The following ABCC12 variants were observed in gnomAD, a reference collection of about 807,000 sequenced individuals.
ABCC12 encodes ATP binding cassette subfamily C member 12, also known as ATP-binding cassette sub-family C member 12.
A neutral mutation model predicts 151.1 loss-of-function variants in ABCC12; 142 were observed. That is an observed-to-expected ratio of 0.94 (90% CI 0.82 to 1.08). ABCC12 has a LOEUF of 1.08. Ranked by LOEUF, ABCC12 falls within the 50% of genes least tolerant of loss-of-function variation. The pLI, the probability that ABCC12 is intolerant of heterozygous loss-of-function variation, is 0.00. For synonymous variants in ABCC12, 645 were observed against 646.4 expected, an observed-to-expected ratio of 1.00 and a Z score of 0.03; for missense variants, 1,638 against 1,691.1, an observed-to-expected ratio of 0.97 and a Z score of 0.55.
chr16:48,139,444 CT>C, intron 6 of ABCC12, 108 bp from the exon 7 acceptor site: 1 of 1,258,740 alleles, frequency 7.9e-7, no homozygotes, highest in Non-Finnish European at 1.1e-6. Context: ...AGGAGAAAAA[CT>C]TCTCTAAAGC....
In ABCC12 at chr16:48,109,927, G is replaced by A. The variant is rs370600175; in HGVS notation, c.2282-1398C>T. ...GTCTTCCCTTCCTCCAGCTTTCACC[G>A]CCCTTGACAGCCCCGTTGTTTATCC... On this transcript the variant is annotated intron_variant, in intron 18 of 30. Transcript: ENST00000311303. Among the ~76,000 whole-genome samples, 1,441 of 152,274 alleles carry A rather than the reference G, an allele frequency of 9.5e-3. 182 individuals carry two copies. The South Asian group carries it at 0.26, about 28-fold the overall frequency.
rs1965146818 is a variant in ABCC12, at chr16:48,153,748, G to A, written c.-183C>T. 1 of 152,232 alleles carries A rather than the reference G, an allele frequency of 6.6e-6. No homozygotes were observed. Among genetic ancestry groups the A allele is most frequent in the East Asian group, 1.9e-4 (1 of 5,202 alleles). The allele number at this position is 152,232 out of a possible 1,614,324, so 9.4% of individuals were successfully genotyped here. ...AGGCCAGGCCTCCCTGGCCAGGTTT[G>A]AGTAATCAGCGCGCATAGGAAATTG... On this transcript the variant is annotated 5_prime_UTR_variant, in exon 2 of 31. Transcript: ENST00000311303.
At chr16:48,154,867 C>T (rs1037345917) in intron 1 of ABCC12, among the ~76,000 whole-genome samples, 5 of 152,254 alleles carry the variant, frequency 3.3e-5, no homozygotes, top group African/African-American at 1.2e-4. Context: ...GAGACTACAG[C>T]CCTACTTCTT....
At chr16:48,127,261 G>A (rs1453874843) in intron 11 of ABCC12, among the ~76,000 whole-genome samples, 1 of 151,982 alleles carries the variant, frequency 6.6e-6, no homozygotes, top group Non-Finnish European at 1.5e-5. Context: ...CAAGATTAAT[G>A]TTGAGCCCTC....
At chr16:48,102,670 C>T (rs1217871627) in intron 22 of ABCC12, among the ~76,000 whole-genome samples, 1 of 152,206 alleles carries the variant, frequency 6.6e-6, no homozygotes, top group Non-Finnish European at 1.5e-5. Flanking sequence ...CTCTCCTGCC[C>T]CAGTACATTC....
At chr16:48,126,072 G>A (rs1467745206) in intron 11 of ABCC12, among the ~76,000 whole-genome samples, 1 of 152,146 alleles carries the variant, frequency 6.6e-6, no homozygotes, top group Non-Finnish European at 1.5e-5. Context: ...TGTGTTCTAA[G>A]GACTTTCTGG....
chr16:48,131,905 G>C (rs1056993098), intron 9 of ABCC12, among the ~76,000 whole-genome samples: 1 of 152,164 alleles, frequency 6.6e-6, no homozygotes, highest in Admixed American at 6.5e-5. Flanking sequence ...GCACCACCTT[G>C]GCTCAGGAAG....
At position 48,083,559 on chromosome 16, in the gene ABCC12, T is replaced by C; in HGVS notation, c.*156A>G. Reference sequence around the variant, plus strand: ...ACCAAGTGGGGTGACATGGACTGAGTATGGCAGTGGGGACAACTTCAGCCC... The same window carrying C: ...ACCAAGTGGGGTGACATGGACTGAGCATGGCAGTGGGGACAACTTCAGCCC... On this transcript the variant is annotated 3_prime_UTR_variant, in exon 31 of 31. Coordinates refer to ENST00000311303, the MANE Select transcript of ABCC12 (RefSeq NM_001393797.1). 3.9e-6 allele frequency: 3 copies of C among 776,192 alleles called. No homozygotes were observed. In the East Asian group the frequency reaches 7.4e-5, roughly 19 times the overall value. The allele number at this position is 776,192 out of a possible 1,614,324, so 48.1% of individuals were successfully genotyped here.
intron 4 of ABCC12, 112 bp downstream of exon 4, chr16:48,143,798 G>A: frequency 7.4e-7 from 1 of 1,355,550 alleles, no homozygotes; most frequent in Non-Finnish European, 9.9e-7. Context: ...CCAGTCACAT[G>A]GAACTGTGAG....
chr16:48,116,327 C>T (rs1378075596), intron 14 of ABCC12, among the ~76,000 whole-genome samples: 1 of 152,196 alleles, frequency 6.6e-6, no homozygotes, highest in Non-Finnish European at 1.5e-5. Context: ...GGGAGCTCCA[C>T]GGTGGGCAGG....
At position 48,092,927 on chromosome 16, in the gene ABCC12, G is replaced by A. The variant is rs572501609; in HGVS notation, c.3196-1718C>T. ...AGAGGCAGGGGGTGCGAGCAGGCGCGTGACGTGGAGAACGCTATGGGTGCA... is the reference window on the plus strand; with the variant it reads ...AGAGGCAGGGGGTGCGAGCAGGCGCATGACGTGGAGAACGCTATGGGTGCA... On this transcript the variant is annotated intron_variant, in intron 24 of 30. Coordinates refer to ENST00000311303, the MANE Select transcript of ABCC12 (RefSeq NM_001393797.1). Among the ~76,000 whole-genome samples the A allele has an allele frequency of 1.1e-4, 17 of 152,294 alleles. No individual in the cohort carries two copies. The East Asian group carries it at 2.1e-3, about 19-fold the overall frequency.
intron 9 of ABCC12, 130 bp from the exon 10 acceptor site, chr16:48,131,025 T>C: frequency 3.1e-6 from 2 of 638,608 alleles, no homozygotes; most frequent in East Asian, 2.8e-5. Flanking sequence ...AGAGGAACAA[T>C]CTTTTCATTT....
intron 9 of ABCC12, among the ~76,000 whole-genome samples, chr16:48,133,005 C>A (rs759698136): frequency 4.6e-5 from 7 of 152,210 alleles, no homozygotes; most frequent in Admixed American, 2.6e-4. Context: ...ACCACTACTT[C>A]TCTTAATACC....
At chr16:48,148,673 T>C (rs886090378) in intron 2 of ABCC12, among the ~76,000 whole-genome samples, 13 of 152,012 alleles carry the variant, frequency 8.6e-5, no homozygotes, top group African/African-American at 3.1e-4. Context: ...CTTCTATTTG[T>C]ACCATTGAAT....
At chr16:48,115,709 G>C in intron 14 of ABCC12, 91 bp from the exon 15 acceptor site, 1 of 1,328,730 alleles carries the variant, frequency 7.5e-7, no homozygotes, top group Admixed American at 2.3e-5. Context: ...AGGACTCAGG[G>C]GAAAGACGTA....
intron 2 of ABCC12, chr16:48,146,848 C>T (rs1359804238): frequency 4.7e-6 from 1 of 212,874 alleles, no homozygotes; most frequent in Non-Finnish European, 9.5e-6. Context: ...GGCTGACACA[C>T]ACACACATGC....
chr16:48,103,776 G>A (rs969383320), intron 22 of ABCC12, among the ~76,000 whole-genome samples: 19 of 152,324 alleles, frequency 1.2e-4, no homozygotes, highest in African/African-American at 4.6e-4. Context: ...CCCCGACACT[G>A]TGCAAAGCTG....
chr16:48,107,642 C>G (rs1297789080), intron 19 of ABCC12, among the ~76,000 whole-genome samples: 1 of 152,016 alleles, frequency 6.6e-6, no homozygotes, highest in Non-Finnish European at 1.5e-5. Flanking sequence ...TGGCTCCAAA[C>G]AGTGAACATA....
At chr16:48,130,355 G>T (rs1964378029) in intron 10 of ABCC12, among the ~76,000 whole-genome samples, 1 of 152,140 alleles carries the variant, frequency 6.6e-6, no homozygotes, top group South Asian at 2.1e-4. Flanking sequence ...GTAAATCTTT[G>T]ATGAGTGAAT....
Sources: gnomAD v4.1 joint callset for allele counts (sites outside exome capture counted in the v4.1 genomes callset) on GRCh38, gnomAD v4.1.1 for gene constraint, MANE v1.5 for transcripts, NCBI Gene and HGNC (gene_info 2026-07-23, HGNC 2026-07-21) for gene names.